BMPR1B: variants seen among roughly 807,000 people sequenced by gnomAD.
BMPR1B encodes the protein bone morphogenetic protein receptor type-1B.
BMPR1B carries 12 observed loss-of-function variants against 59.1 expected under a neutral mutation model. The ratio of observed to expected loss-of-function variants is 0.20; its 90% CI spans 0.13 to 0.33. The LOEUF is 0.33. Ranked by LOEUF, BMPR1B falls within the 10% of genes least tolerant of loss-of-function variation. BMPR1B has a pLI of 1.00. For missense variants in BMPR1B, 550 were observed against 610.9 expected, an observed-to-expected ratio of 0.90 and a Z score of 1.05; for synonymous variants, 237 against 207.3, an observed-to-expected ratio of 1.14 and a Z score of -1.23.
Position 94,762,445 on chromosome 4 carries a change from G to A in BMPR1B, c.-183+4377G>A, listed in dbSNP as rs147925396. Among the ~76,000 whole-genome samples the A allele has an allele frequency of 2.5e-3, 377 of 152,294 alleles. 3 individuals carry two copies. Among genetic ancestry groups the A allele is most frequent in the African/African-American group, 8.7e-3 (363 of 41,562 alleles). ...GGATATTCTTGAGTAACAAGAAAGA[G>A]CCAACCCCGTGAAGATCTGAAAGAA... On this transcript the variant is annotated intron_variant, in intron 1 of 12. Coordinates refer to ENST00000515059, the MANE Select transcript of BMPR1B (RefSeq NM_001203.3).
chr4:94,886,238 A>T (rs562695412), intron 2 of BMPR1B, among the ~76,000 whole-genome samples: 1 of 152,350 alleles, frequency 6.6e-6, no homozygotes, highest in South Asian at 2.1e-4. Context: ...GCTACAGATT[A>T]AAAAGACTAT....
chr4:94,897,756 T>G (rs1469691832), intron 2 of BMPR1B, among the ~76,000 whole-genome samples: 1 of 151,952 alleles, frequency 6.6e-6, no homozygotes, highest in East Asian at 1.9e-4. Flanking sequence ...CTTCTATACT[T>G]GGATGTTTAG....
chr4:94,839,585 C>A (rs929143100), intron 1 of BMPR1B, among the ~76,000 whole-genome samples: 1 of 149,290 alleles, frequency 6.7e-6, no homozygotes, highest in African/African-American at 2.5e-5. Flanking sequence ...ATTGCAACCC[C>A]TGCCTTTTTT....
At chr4:95,006,139 T>C (rs1396163478) in intron 3 of BMPR1B, among the ~76,000 whole-genome samples, 1 of 151,780 alleles carries the variant, frequency 6.6e-6, no homozygotes, top group Admixed American at 6.6e-5. Context: ...GGCGTGGTGG[T>C]AGGCGCCTGT....
At chr4:94,954,839 TA>T (rs1730081326) in intron 2 of BMPR1B, among the ~76,000 whole-genome samples, 1 of 152,186 alleles carries the variant, frequency 6.6e-6, no homozygotes. Context: ...CAATATATAT[TA>T]GCTGTTTTGC....
At chr4:94,986,810 G>A (rs1218484308) in intron 2 of BMPR1B, among the ~76,000 whole-genome samples, 1 of 151,946 alleles carries the variant, frequency 6.6e-6, no homozygotes, top group African/African-American at 2.4e-5. Context: ...GGGAGGCCAA[G>A]GTGGGTGGAT....
chr4:94,826,002 G>C (rs1724368938), intron 1 of BMPR1B, among the ~76,000 whole-genome samples: 1 of 151,896 alleles, frequency 6.6e-6, no homozygotes, highest in Non-Finnish European at 1.5e-5. Context: ...AGTGCCATTG[G>C]TTATTGGAAC....
chr4:94,995,488 A>G (rs1722001485), intron 2 of BMPR1B, among the ~76,000 whole-genome samples: 1 of 152,190 alleles, frequency 6.6e-6, no homozygotes, highest in Non-Finnish European at 1.5e-5. Flanking sequence ...TGGATTCATA[A>G]TGTGTCATAA....
At chr4:94,834,683 C>T (rs1272458340) in intron 1 of BMPR1B, among the ~76,000 whole-genome samples, 5 of 150,906 alleles carry the variant, frequency 3.3e-5, no homozygotes, top group South Asian at 2.1e-4. Context: ...ACCAATAAAA[C>T]GGTTCACCAG....
At chr4:94,907,048 A>G (rs1216939982) in intron 2 of BMPR1B, among the ~76,000 whole-genome samples, 2 of 152,054 alleles carry the variant, frequency 1.3e-5, no homozygotes, top group East Asian at 1.9e-4. Flanking sequence ...CTCAGCATAA[A>G]TGTGTACATC....
rs1171339119 is a variant in BMPR1B, at chr4:95,156,979, A to C, written c.*2306A>C. 1 of 152,162 alleles carries C rather than the reference A, an allele frequency of 6.6e-6. No homozygotes were observed. The highest frequency in any genetic ancestry group is 1.5e-5 in the Non-Finnish European group (1 of 67,990). 9.4% of individuals were successfully genotyped at this position (152,162 alleles called of 1,614,324 possible). On this transcript the variant is annotated 3_prime_UTR_variant, in exon 13 of 13. Transcript: ENST00000515059. ...CCTAAATTTAAGTGAGGTTGGGCTT[A>C]CCTTGTAGATAAAATTATGTTTTCT...
intron 3 of BMPR1B, among the ~76,000 whole-genome samples, chr4:95,034,924 A>T (rs1463451615): frequency 6.6e-6 from 1 of 152,120 alleles, no homozygotes; most frequent in Non-Finnish European, 1.5e-5. Flanking sequence ...CCTTTTCACC[A>T]CATCCATGCC....
intron 1 of BMPR1B, among the ~76,000 whole-genome samples, chr4:94,782,211 T>TA (rs1380083862): frequency 6.6e-6 from 1 of 152,180 alleles, no homozygotes; most frequent in Non-Finnish European, 1.5e-5. Flanking sequence ...CAGGTTGTAC[T>TA]ATCTCCATTG....
At chr4:94,957,365 T>C (rs1578848841) in intron 2 of BMPR1B, among the ~76,000 whole-genome samples, 3 of 142,480 alleles carry the variant, frequency 2.1e-5, no homozygotes, top group African/African-American at 7.8e-5. Context: ...TTTTTTCCTT[T>C]TGCAACATGT....
intron 1 of BMPR1B, among the ~76,000 whole-genome samples, chr4:94,763,854 C>A: frequency 6.6e-6 from 1 of 152,012 alleles, no homozygotes; most frequent in East Asian, 1.9e-4. Flanking sequence ...ATCATCAATT[C>A]TTTTTTCTGA....
At chr4:95,129,004 A>C (rs1733105674) in intron 8 of BMPR1B, among the ~76,000 whole-genome samples, 1 of 149,840 alleles carries the variant, frequency 6.7e-6, no homozygotes, top group South Asian at 2.1e-4. Flanking sequence ...ATTCTTGGAT[A>C]TTTCCTTTAT....
intron 1 of BMPR1B, among the ~76,000 whole-genome samples, chr4:94,774,883 G>T (rs1186002599): frequency 1.3e-5 from 2 of 151,992 alleles, no homozygotes; most frequent in Non-Finnish European, 2.9e-5. Context: ...ACTTTCTTTT[G>T]TATGGTTCTG....
intron 3 of BMPR1B, among the ~76,000 whole-genome samples, chr4:95,013,449 C>A (rs1180844350): frequency 6.6e-6 from 1 of 152,112 alleles, no homozygotes; most frequent in Non-Finnish European, 1.5e-5. Flanking sequence ...AGACAGCTCA[C>A]CCCATGCAGA....
chr4:94,851,832 T>A (rs905447051), intron 1 of BMPR1B, among the ~76,000 whole-genome samples: 1 of 152,152 alleles, frequency 6.6e-6, no homozygotes, highest in African/African-American at 2.4e-5. Flanking sequence ...AGCATACATA[T>A]ACACAAATTT....
Sources: allele counts gnomAD v4.1 joint callset (sites outside exome capture counted in the v4.1 genomes callset), GRCh38; gene constraint gnomAD v4.1.1; transcripts MANE v1.5; gene names NCBI Gene and HGNC (gene_info 2026-07-23, HGNC 2026-07-21).